The following MACF1 variants were observed in gnomAD, a reference collection of about 807,000 sequenced individuals.
MACF1 encodes the protein microtubule actin crosslinking factor 1.
A neutral mutation model predicts 854.8 loss-of-function variants in MACF1; 193 were observed. The observed-to-expected ratio is 0.23, with a 90% CI of 0.20 to 0.25. MACF1 has a LOEUF of 0.25. Among genes scored for constraint, MACF1 ranks in the 10% least tolerant of loss-of-function variants. The probability of loss-of-function intolerance (pLI) is 1.00; values close to 1 mark genes in which losing one functional copy is unlikely to be tolerated. For missense variants in MACF1, 7,722 were observed against 8,929.1 expected, an observed-to-expected ratio of 0.86 and a Z score of 5.45; for synonymous variants, 3,185 against 3,226.7, an observed-to-expected ratio of 0.99 and a Z score of 0.44.
At chr1:39,235,991 G>A (rs529560457) in intron 2 of MACF1, among the ~76,000 whole-genome samples, 4 of 152,250 alleles carry the variant, frequency 2.6e-5, no homozygotes, top group African/African-American at 7.2e-5. Flanking sequence ...TCCCACCTTG[G>A]CCTCCCAGTG....
At chr1:39,458,877 G>A in intron 90 of MACF1, 2 of 544,946 alleles carry the variant, frequency 3.7e-6, no homozygotes, top group Non-Finnish European at 6.4e-6. Flanking sequence ...ATTGCTTGGA[G>A]ATATGTAGGC....
At chr1:39,210,396 C>T (rs951886661) in intron 1 of MACF1, among the ~76,000 whole-genome samples, 6 of 151,356 alleles carry the variant, frequency 4.0e-5, no homozygotes, top group East Asian at 1.9e-4. Flanking sequence ...AAAAAAGAGA[C>T]GAGGTTTTGC....
chr1:39,223,515 AT>A (rs767574940), intron 1 of MACF1, among the ~76,000 whole-genome samples: 700 of 144,724 alleles, frequency 4.8e-3, no homozygotes, highest in African/African-American at 6.7e-3. Context: ...ATGCTATTTA[AT>A]TTTTTTTTTT....
At chr1:39,466,530 C>T (rs1351745983) in intron 95 of MACF1, among the ~76,000 whole-genome samples, 1 of 152,222 alleles carries the variant, frequency 6.6e-6, no homozygotes, top group African/African-American at 2.4e-5. Context: ...TCCTGATTCA[C>T]CCTGGGGTAC....
At chr1:39,474,527 C>G (rs1336392566) in intron 97 of MACF1, among the ~76,000 whole-genome samples, 1 of 152,024 alleles carries the variant, frequency 6.6e-6, no homozygotes, top group Non-Finnish European at 1.5e-5. Flanking sequence ...GAAACCCTGT[C>G]TCTACTAAAA....
intron 6 of MACF1, chr1:39,268,764 A>T: frequency 7.8e-7 from 1 of 1,289,746 alleles, no homozygotes; most frequent in Non-Finnish European, 1.0e-6. Flanking sequence ...GAAGGCTCCC[A>T]TATCTCCTAA....
At chr1:39,437,287 C>T (rs1372694509) in intron 70 of MACF1, among the ~76,000 whole-genome samples, 1 of 148,376 alleles carries the variant, frequency 6.7e-6, no homozygotes, top group Non-Finnish European at 1.5e-5. Context: ...ATGCCCAAAA[C>T]AGTTTTGTTG....
At chr1:39,383,522 A>T (rs1301090329) in intron 56 of MACF1, among the ~76,000 whole-genome samples, 2 of 152,246 alleles carry the variant, frequency 1.3e-5, no homozygotes, top group Non-Finnish European at 2.9e-5. Flanking sequence ...CCATCACATT[A>T]ACGTAAGTAA....
rs750362146 is a variant in MACF1, at chr1:39,333,337, C to T, written c.6749C>T (p.Ala2250Val). 6.2e-7 allele frequency: 1 copy of T among 1,614,020 alleles called. No homozygotes were observed. Among genetic ancestry groups the T allele is most frequent in the South Asian group, 1.1e-5 (1 of 91,048 alleles). ...HKESQEAQNI[A>V]GGSMMMSEKT... ...GAAAGTCAAGAAGCACAGAACATCG[C>T]AGGTGGTAGTATGATGATGTCAGAA... Residue 2250 changes from alanine (A) to valine (V), a missense_variant, in exon 37 of 101, where the codon GCA (alanine) becomes GTA (valine). Coordinates refer to ENST00000564288, the MANE Select transcript of MACF1 (RefSeq NM_001394062.1).
intron 44 of MACF1, among the ~76,000 whole-genome samples, chr1:39,353,721 A>T (rs1256369291): frequency 2.0e-5 from 3 of 152,112 alleles, no homozygotes; most frequent in Non-Finnish European, 4.4e-5. Flanking sequence ...TCCTCCCACA[A>T]TTAAACATTC....
chr1:39,479,844 A>G lies in MACF1; in HGVS notation c.22005A>G (p.Pro7335=). 1.9e-6 allele frequency: 3 copies of G among 1,614,282 alleles called. No homozygotes were observed. Residue 7335 remains proline, a synonymous_variant, in exon 98 of 101, where the codon CCA becomes CCG. Transcript: ENST00000564288. ...AACTTAGAGAGAAATTCATCCTACC[A>G]GAGGGAGCATCCCAGGGAATGACCC... ...NIELREKFIL[P]EGASQGMTPF...
At chr1:39,404,666 T>C (rs1279885730) in intron 58 of MACF1, among the ~76,000 whole-genome samples, 1 of 152,124 alleles carries the variant, frequency 6.6e-6, no homozygotes, top group African/African-American at 2.4e-5. Context: ...TAACTTTTTG[T>C]AGAGACGAGT....
At chr1:39,419,677 G>C (rs779509148) in intron 58 of MACF1, among the ~76,000 whole-genome samples, 1 of 152,080 alleles carries the variant, frequency 6.6e-6, no homozygotes, top group Non-Finnish European at 1.5e-5. Context: ...TTGTTGCCCA[G>C]GCTGGAGTGC....
chr1:39,127,529 G>A (rs1026363014), intron 2 of MACF1, among the ~76,000 whole-genome samples: 4 of 152,170 alleles, frequency 2.6e-5, no homozygotes, highest in Non-Finnish European at 5.9e-5. Context: ...ACTTGCTCAA[G>A]TTCTCTCACC....
In MACF1 at chr1:39,242,736, C is replaced by CA. The variant is rs36020944; in HGVS notation, c.172-7257dup. ...GGTGATGGAAGTGAGACCCTATCTC[C>CA]AAAAAAAAAAAAAAAAAAAAACTTT... On this transcript the variant is annotated intron_variant, in intron 2 of 100. Coordinates refer to ENST00000564288, the MANE Select transcript of MACF1 (RefSeq NM_001394062.1). 1.8e-3 allele frequency among the ~76,000 whole-genome samples: 244 copies of CA among 135,316 alleles called. 1 individual carries two copies. Among genetic ancestry groups the CA allele is most frequent in the Admixed American group, 3.0e-3 (41 of 13,840 alleles). The allele number at this position is 135,316 out of a possible 152,430, so 88.8% of individuals were successfully genotyped here. A position where few individuals can be genotyped will look rare whatever the true frequency, so the allele number is the denominator to read the frequency against.
At chr1:39,347,912 GCTCAA>G (rs201593624) in intron 41 of MACF1, among the ~76,000 whole-genome samples, 1,619 of 152,188 alleles carry the variant, frequency 0.011, 33 homozygotes, top group African/African-American at 0.037. Flanking sequence ...TTCTTGCAAA[GCTCAA>G]CTCAACATAA....
chr1:39,118,163 T>C (rs553232107), intron 2 of MACF1, among the ~76,000 whole-genome samples: 4 of 152,254 alleles, frequency 2.6e-5, no homozygotes, highest in Non-Finnish European at 5.9e-5. Flanking sequence ...GGTACAGTTA[T>C]CTTTGTAACT....
intron 58 of MACF1, among the ~76,000 whole-genome samples, chr1:39,396,010 A>T (rs1642257310): frequency 6.6e-6 from 1 of 152,212 alleles, no homozygotes; most frequent in Non-Finnish European, 1.5e-5. Flanking sequence ...ATTTTACAAA[A>T]ATCTGTCTGG....
chr1:39,433,691 CT>C (rs1274709257), intron 68 of MACF1, among the ~76,000 whole-genome samples: 1 of 151,868 alleles, frequency 6.6e-6, no homozygotes, highest in African/African-American at 2.4e-5. Flanking sequence ...TTTCTGGAGA[CT>C]TTTTTTTAAT....
Sources: gnomAD v4.1 joint callset for allele counts (sites outside exome capture counted in the v4.1 genomes callset) on GRCh38, gnomAD v4.1.1 for gene constraint, MANE v1.5 for transcripts, NCBI Gene and HGNC (gene_info 2026-07-23, HGNC 2026-07-21) for gene names.